The following EYS variants were observed in gnomAD, a reference collection of about 807,000 sequenced individuals.
EYS encodes the protein protein eyes shut homolog.
In EYS, 250 loss-of-function variants were observed where a neutral mutation model predicts 282.1. The ratio of observed to expected loss-of-function variants is 0.89; its 90% CI spans 0.80 to 0.98. The LOEUF is 0.98. Among genes scored for constraint, EYS ranks in the 50% least tolerant of loss-of-function variants. The pLI, the probability that EYS is intolerant of heterozygous loss-of-function variation, is 0.00. For missense variants in EYS, 4,016 were observed against 3,709.0 expected, an observed-to-expected ratio of 1.08 and a Z score of -2.15; for synonymous variants, 1,355 against 1,282.9, an observed-to-expected ratio of 1.06 and a Z score of -1.20.
chr6:64,019,366 T>A (rs182137127), intron 33 of EYS, among the ~76,000 whole-genome samples: 20 of 152,326 alleles, frequency 1.3e-4, no homozygotes, highest in Non-Finnish European at 2.5e-4. Flanking sequence ...TGTCCATTTC[T>A]TATAGTAGCT....
intron 33 of EYS, among the ~76,000 whole-genome samples, chr6:64,001,145 A>G (rs953225425): frequency 3.4e-4 from 51 of 152,226 alleles, no homozygotes; most frequent in African/African-American, 1.2e-3. Context: ...TCTTAGGCAA[A>G]CCACTTAACC....
chr6:65,495,396 T>G lies in EYS; in HGVS notation c.15A>C (p.Ser5=), dbSNP rs1416909084. The G allele has an allele frequency of 1.2e-6, 2 of 1,611,246 alleles. No homozygotes were observed. Among genetic ancestry groups the G allele is most frequent in the South Asian group, 2.2e-5 (2 of 91,086 alleles). Residue 5 remains serine (S), a synonymous_variant, in exon 4 of 43, where the codon TCA becomes TCC. Coordinates refer to ENST00000503581, the MANE Select transcript of EYS (RefSeq NM_001142800.2). MTDK[S]IVILSLMVFH... ...AAACCATCAGGCTCAGAATGACGATTGATTTGTCAGTCATTTTCGGGTAGC... is the reference window on the plus strand; with the variant it reads ...AAACCATCAGGCTCAGAATGACGATGGATTTGTCAGTCATTTTCGGGTAGC...
chr6:63,950,374 C>G (rs138865086), intron 35 of EYS, among the ~76,000 whole-genome samples: 16 of 152,086 alleles, frequency 1.1e-4, no homozygotes, highest in African/African-American at 3.6e-4. Context: ...AGAAGCTCCC[C>G]CACTGAGCAT....
intron 26 of EYS, among the ~76,000 whole-genome samples, chr6:64,580,470 A>G (rs1423437428): frequency 6.6e-6 from 1 of 152,150 alleles, no homozygotes; most frequent in Non-Finnish European, 1.5e-5. Flanking sequence ...CATTCATGAG[A>G]AGGGACTATG....
chr6:64,816,086 T>C (rs1314409376), intron 21 of EYS, among the ~76,000 whole-genome samples: 1 of 152,050 alleles, frequency 6.6e-6, no homozygotes. Context: ...TTTTTTAGCA[T>C]TGGTGTTTTG....
chr6:65,371,630 C>T (rs1005514749), intron 8 of EYS, among the ~76,000 whole-genome samples: 1 of 151,388 alleles, frequency 6.6e-6, no homozygotes, highest in South Asian at 2.1e-4. Flanking sequence ...AATATTGAGC[C>T]TCTGGTTAAA....
chr6:65,335,985 G>A (rs1472459170), intron 10 of EYS, among the ~76,000 whole-genome samples: 1 of 151,642 alleles, frequency 6.6e-6, no homozygotes, highest in Non-Finnish European at 1.5e-5. Context: ...ATCTGGTTGT[G>A]TAAAAGTATA....
At chr6:65,184,581 T>A (rs1265413469) in intron 12 of EYS, among the ~76,000 whole-genome samples, 5 of 150,374 alleles carry the variant, frequency 3.3e-5, no homozygotes, top group Admixed American at 2.7e-4. Context: ...AATTTAAAAA[T>A]CAACAAAAGG....
At chr6:64,821,323 A>G (rs113388432) in intron 21 of EYS, among the ~76,000 whole-genome samples, 2 of 152,050 alleles carry the variant, frequency 1.3e-5, no homozygotes, top group African/African-American at 4.8e-5. Context: ...AGGACGAGGC[A>G]GATGGTAAAA....
At chr6:65,552,999 G>A (rs1193780025) in intron 2 of EYS, among the ~76,000 whole-genome samples, 3 of 151,966 alleles carry the variant, frequency 2.0e-5, no homozygotes, top group South Asian at 2.1e-4. Context: ...GATTCAAATC[G>A]GCACTTTGGT....
At chr6:64,945,705 C>T (rs1769262946) in intron 15 of EYS, 88 bp downstream of exon 15, 1 of 1,195,748 alleles carries the variant, frequency 8.4e-7, no homozygotes, top group Non-Finnish European at 1.2e-6. Flanking sequence ...TTAAATGTAT[C>T]TAAAGTGAAA....
chr6:65,681,597 G>A (rs1431782058), intron 1 of EYS, among the ~76,000 whole-genome samples: 1 of 151,870 alleles, frequency 6.6e-6, no homozygotes, highest in East Asian at 1.9e-4. Context: ...CATGAACAAT[G>A]TGTTTTATGC....
At chr6:63,962,763 A>G (rs1766129180) in intron 35 of EYS, among the ~76,000 whole-genome samples, 1 of 152,192 alleles carries the variant, frequency 6.6e-6, no homozygotes, top group South Asian at 2.1e-4. Flanking sequence ...TACTGGGTAT[A>G]TACCCAAAGG....
intron 12 of EYS, among the ~76,000 whole-genome samples, chr6:65,254,974 A>C (rs1318203817): frequency 3.3e-5 from 5 of 151,904 alleles, no homozygotes; most frequent in African/African-American, 4.8e-5. Flanking sequence ...AATAACTGCC[A>C]TTGAAATCCT....
intron 5 of EYS, among the ~76,000 whole-genome samples, chr6:65,457,340 T>C (rs559297181): frequency 6.6e-6 from 1 of 152,170 alleles, no homozygotes; most frequent in African/African-American, 2.4e-5. Flanking sequence ...AATTCTTTTT[T>C]TTTCCGTAGA....
chr6:65,378,888 G>A (rs1437912868), intron 8 of EYS, among the ~76,000 whole-genome samples: 1 of 152,006 alleles, frequency 6.6e-6, no homozygotes, highest in Non-Finnish European at 1.5e-5. Flanking sequence ...CTGTCAGGGG[G>A]TGGGGGACTA....
At chr6:65,216,039 G>C (rs955247936) in intron 12 of EYS, among the ~76,000 whole-genome samples, 7 of 125,962 alleles carry the variant, frequency 5.6e-5, no homozygotes, top group African/African-American at 7.0e-5. Flanking sequence ...TTCAATGTAA[G>C]TCTTCACAGT....
intron 4 of EYS, among the ~76,000 whole-genome samples, chr6:65,492,244 T>A (rs1414364252): frequency 6.6e-6 from 1 of 152,112 alleles, no homozygotes; most frequent in Non-Finnish European, 1.5e-5. Context: ...AAGCATTATT[T>A]AGGTATTTTA....
intron 22 of EYS, among the ~76,000 whole-genome samples, chr6:64,794,353 G>A (rs140728361): frequency 9.2e-5 from 14 of 152,226 alleles, no homozygotes; most frequent in Admixed American, 7.2e-4. Context: ...AATTCCCAAC[G>A]TTGGTGAGGG....
Sources: gnomAD v4.1 joint callset for allele counts (sites outside exome capture counted in the v4.1 genomes callset) on GRCh38, gnomAD v4.1.1 for gene constraint, MANE v1.5 for transcripts, NCBI Gene and HGNC (gene_info 2026-07-23, HGNC 2026-07-21) for gene names.